CHST11: variants seen among roughly 807,000 people sequenced by gnomAD.
CHST11 encodes the protein C4S-1.
CHST11 carries 9 observed loss-of-function variants against 30.4 expected under a neutral mutation model. That is an observed-to-expected ratio of 0.30 (90% CI 0.18 to 0.52). The LOEUF (loss-of-function observed/expected upper bound fraction) is 0.52, where lower values mean the gene tolerates loss of function less well. Among genes scored for constraint, CHST11 ranks in the 20% least tolerant of loss-of-function variants. The probability of loss-of-function intolerance (pLI) is 0.97; values close to 1 mark genes in which losing one functional copy is unlikely to be tolerated. For missense variants in CHST11, 348 were observed against 460.6 expected, an observed-to-expected ratio of 0.76 and a Z score of 2.24; for synonymous variants, 152 against 187.8, an observed-to-expected ratio of 0.81 and a Z score of 1.56.
chr12:104,645,107 C>T (rs1763536614), intron 2 of CHST11, among the ~76,000 whole-genome samples: 1 of 152,112 alleles, frequency 6.6e-6, no homozygotes, highest in Non-Finnish European at 1.5e-5. Context: ...GCCACCACGC[C>T]CGGCTAATTT....
chr12:104,557,232 G>C (rs572391429), intron 1 of CHST11, among the ~76,000 whole-genome samples: 3 of 152,194 alleles, frequency 2.0e-5, no homozygotes, highest in Non-Finnish European at 4.4e-5. Context: ...GCGGAGTTGG[G>C]CTGAAGGGAA....
At chr12:104,575,970 C>T (rs1045313515) in intron 1 of CHST11, among the ~76,000 whole-genome samples, 1 of 151,736 alleles carries the variant, frequency 6.6e-6, no homozygotes, top group Non-Finnish European at 1.5e-5. Context: ...GCCACCCACC[C>T]TGTGATTACA....
intron 1 of CHST11, among the ~76,000 whole-genome samples, chr12:104,483,857 T>G (rs542037034): frequency 5.9e-5 from 9 of 152,068 alleles, no homozygotes; most frequent in Non-Finnish European, 1.0e-4. Context: ...TCTTACCTGC[T>G]GTTGAAGCTG....
At chr12:104,731,040 C>T (rs947807690) in intron 2 of CHST11, among the ~76,000 whole-genome samples, 10 of 152,212 alleles carry the variant, frequency 6.6e-5, no homozygotes, top group Admixed American at 6.5e-4. Flanking sequence ...GTCCGTGCTC[C>T]ACTTACGAGC....
chr12:104,736,564 C>A (rs2040302900), intron 2 of CHST11, among the ~76,000 whole-genome samples: 1 of 152,178 alleles, frequency 6.6e-6, no homozygotes, highest in South Asian at 2.1e-4. Context: ...TGAAGAGCAC[C>A]CCAGGCTGAC....
At chr12:104,747,254 A>G (rs564835320) in intron 2 of CHST11, among the ~76,000 whole-genome samples, 1 of 152,212 alleles carries the variant, frequency 6.6e-6, no homozygotes, top group South Asian at 2.1e-4. Flanking sequence ...AGGCTGCACC[A>G]TGCAGGGTCT....
chr12:104,709,273 C>A (rs913159206), intron 2 of CHST11, among the ~76,000 whole-genome samples: 2 of 152,226 alleles, frequency 1.3e-5, no homozygotes, highest in Non-Finnish European at 2.9e-5. Flanking sequence ...AGGGTTCGCT[C>A]CAGGGCCTTC....
intron 1 of CHST11, among the ~76,000 whole-genome samples, chr12:104,555,816 T>C (rs2038449148): frequency 6.6e-6 from 1 of 152,238 alleles, no homozygotes; most frequent in Admixed American, 6.5e-5. Flanking sequence ...GCAAGGGGCC[T>C]GTTCTTAAAA....
chr12:104,480,192 G>C (rs1179293827), intron 1 of CHST11, among the ~76,000 whole-genome samples: 4 of 152,066 alleles, frequency 2.6e-5, no homozygotes. Context: ...TGAGTTGATA[G>C]TGTCCCCGCC....
In CHST11 at chr12:104,592,815, C is replaced by T. The variant is rs142832175; in HGVS notation, c.119-9091C>T. On this transcript the variant is annotated intron_variant, in intron 1 of 2. Coordinates refer to ENST00000303694, the MANE Select transcript of CHST11 (RefSeq NM_018413.6). Reference sequence around the variant, plus strand: ...AACTGATTTGTACTTGGACAGGGATCTTATACTTTCGGAAGTAGGCATGCT... The same window carrying T: ...AACTGATTTGTACTTGGACAGGGATTTTATACTTTCGGAAGTAGGCATGCT... 2.1e-3 allele frequency among the ~76,000 whole-genome samples: 324 copies of T among 152,270 alleles called. 2 individuals carry two copies. Among genetic ancestry groups the T allele is most frequent in the Admixed American group, 0.019 (286 of 15,298 alleles).
At chr12:104,521,301 G>T (rs777790581) in intron 1 of CHST11, among the ~76,000 whole-genome samples, 21 of 152,164 alleles carry the variant, frequency 1.4e-4, no homozygotes, top group Non-Finnish European at 3.1e-4. Context: ...CGCAACAGGT[G>T]AGCCTGGGTG....
chr12:104,691,693 T>C (rs2039898027), intron 2 of CHST11, among the ~76,000 whole-genome samples: 1 of 152,172 alleles, frequency 6.6e-6, no homozygotes. Flanking sequence ...TTTCACCATG[T>C]TGGCCAGGAT....
intron 2 of CHST11, among the ~76,000 whole-genome samples, chr12:104,672,007 G>A (rs765662852): frequency 9.2e-5 from 14 of 152,196 alleles, no homozygotes; most frequent in Non-Finnish European, 1.6e-4. Flanking sequence ...CTTCTGACCC[G>A]TCAGTGACCA....
chr12:104,580,316 G>A (rs2038730623), intron 1 of CHST11, among the ~76,000 whole-genome samples: 2 of 152,198 alleles, frequency 1.3e-5, no homozygotes, highest in Admixed American at 1.3e-4. Flanking sequence ...CCACAATAAA[G>A]CCAAAAGCGT....
intron 2 of CHST11, among the ~76,000 whole-genome samples, chr12:104,694,488 G>T (rs2039926795): frequency 6.6e-6 from 1 of 152,068 alleles, no homozygotes; most frequent in Non-Finnish European, 1.5e-5. Context: ...TGTGTTTTTT[G>T]GTTTTGTTTT....
intron 2 of CHST11, among the ~76,000 whole-genome samples, chr12:104,636,936 G>A (rs891844604): frequency 6.6e-6 from 1 of 151,916 alleles, no homozygotes; most frequent in South Asian, 2.1e-4. Context: ...AAGCAACACT[G>A]ACTGTCATCA....
At chr12:104,732,506 T>C (rs1169875639) in intron 2 of CHST11, among the ~76,000 whole-genome samples, 1 of 152,218 alleles carries the variant, frequency 6.6e-6, no homozygotes, top group African/African-American at 2.4e-5. Flanking sequence ...AAATAGACCT[T>C]CTTGCCCTAT....
At chr12:104,597,244 T>C (rs1239295458) in intron 1 of CHST11, among the ~76,000 whole-genome samples, 9 of 152,140 alleles carry the variant, frequency 5.9e-5, no homozygotes, top group African/African-American at 1.2e-4. Flanking sequence ...GTGGGAGATA[T>C]AGAACTGTTC....
At chr12:104,490,177 A>T (rs1468561677) in intron 1 of CHST11, among the ~76,000 whole-genome samples, 1 of 152,332 alleles carries the variant, frequency 6.6e-6, no homozygotes, top group East Asian at 1.9e-4. Flanking sequence ...ACTCTGAAAG[A>T]TGTGTGTCCT....
Sources: allele counts gnomAD v4.1 joint callset (sites outside exome capture counted in the v4.1 genomes callset), GRCh38; gene constraint gnomAD v4.1.1; transcripts MANE v1.5; gene names NCBI Gene and HGNC (gene_info 2026-07-23, HGNC 2026-07-21).